The following DOCK3 variants were observed in gnomAD, a reference collection of about 807,000 sequenced individuals.
DOCK3 encodes the protein dedicator of cytokinesis protein 3.
A neutral mutation model predicts 265.6 loss-of-function variants in DOCK3; 60 were observed. The observed-to-expected ratio is 0.23, with a 90% CI of 0.18 to 0.28. DOCK3 has a LOEUF of 0.28. Ranked by LOEUF, DOCK3 falls within the 10% of genes least tolerant of loss-of-function variation. The pLI is 1.00. For synonymous variants in DOCK3, 881 were observed against 938.0 expected, an observed-to-expected ratio of 0.94 and a Z score of 1.11; for missense variants, 1,981 against 2,594.3, an observed-to-expected ratio of 0.76 and a Z score of 5.14.
intron 7 of DOCK3, among the ~76,000 whole-genome samples, chr3:51,087,723 A>G (rs1042204748): frequency 2.6e-5 from 4 of 152,158 alleles, no homozygotes; most frequent in African/African-American, 9.7e-5. Flanking sequence ...AATCTTATAT[A>G]TAGAAAAACC....
intron 5 of DOCK3, among the ~76,000 whole-genome samples, chr3:50,979,377 A>G (rs2077608873): frequency 6.6e-6 from 1 of 152,196 alleles, no homozygotes; most frequent in African/African-American, 2.4e-5. Context: ...TATTGGAGAT[A>G]GGGCTCAGTG....
intron 9 of DOCK3, among the ~76,000 whole-genome samples, chr3:51,100,519 A>C (rs761823822): frequency 4.6e-5 from 7 of 152,230 alleles, no homozygotes; most frequent in Non-Finnish European, 1.0e-4. Context: ...TCACTGGCTC[A>C]CCTCTGAACC....
At chr3:50,730,054 C>G (rs951596420) in intron 1 of DOCK3, among the ~76,000 whole-genome samples, 1 of 151,746 alleles carries the variant, frequency 6.6e-6, no homozygotes, top group Non-Finnish European at 1.5e-5. Context: ...ACCAAAAAAA[C>G]TCAAGTTCCA....
At chr3:51,375,548 A>G (rs1306997397) in intron 50 of DOCK3, among the ~76,000 whole-genome samples, 200 bp from the exon 51 acceptor site, 2 of 152,206 alleles carry the variant, frequency 1.3e-5, no homozygotes, top group Non-Finnish European at 2.9e-5. Context: ...TGTGTATAGA[A>G]GCACTGAGAA....
chr3:50,729,824 A>ATTTTTTT (rs60842906), intron 1 of DOCK3, among the ~76,000 whole-genome samples: 4 of 109,052 alleles, frequency 3.7e-5, no homozygotes, highest in Non-Finnish European at 5.7e-5. Context: ...TCTGAATTTC[A>ATTTTTTT]TTTTTTTTTT....
chr3:50,807,291 T>TGTC (rs2043484681), intron 2 of DOCK3, among the ~76,000 whole-genome samples: 5 of 150,356 alleles, frequency 3.3e-5, no homozygotes, highest in Non-Finnish European at 5.9e-5. Flanking sequence ...GATCTTGTTC[T>TGTC]GTCACCCAGG....
chr3:50,888,206 T>C (rs2048442683), intron 3 of DOCK3, among the ~76,000 whole-genome samples: 1 of 152,104 alleles, frequency 6.6e-6, no homozygotes, highest in Admixed American at 6.6e-5. Context: ...AGCATTCTTA[T>C]ACACCAATAA....
intron 27 of DOCK3, among the ~76,000 whole-genome samples, chr3:51,282,841 G>A (rs1464207758): frequency 6.6e-6 from 1 of 152,098 alleles, no homozygotes; most frequent in East Asian, 1.9e-4. Flanking sequence ...TATGAGGTCA[G>A]TAATAAATAC....
At chr3:50,928,565 G>A (rs1015039342) in intron 4 of DOCK3, among the ~76,000 whole-genome samples, 2 of 152,092 alleles carry the variant, frequency 1.3e-5, no homozygotes, top group African/African-American at 4.8e-5. Context: ...GGACACTTGG[G>A]TGTTAATAGT....
intron 5 of DOCK3, among the ~76,000 whole-genome samples, chr3:51,017,262 A>G (rs1362627164): frequency 1.3e-5 from 2 of 150,124 alleles, no homozygotes; most frequent in Admixed American, 6.6e-5. Context: ...TGAGTCTTCT[A>G]TTTTTATCTT....
At chr3:51,088,585 A>G (rs2082518403) in intron 7 of DOCK3, among the ~76,000 whole-genome samples, 1 of 152,232 alleles carries the variant, frequency 6.6e-6, no homozygotes, top group African/African-American at 2.4e-5. Context: ...TTGAAAACCT[A>G]GGATTCTCAC....
intron 10 of DOCK3, among the ~76,000 whole-genome samples, chr3:51,148,886 A>G (rs1223175208): frequency 6.6e-6 from 1 of 152,174 alleles, no homozygotes; most frequent in Non-Finnish European, 1.5e-5. Context: ...GAAGAAAGTC[A>G]TTGGTAGCTT....
At chr3:51,344,392 G>A (rs540730294) in intron 38 of DOCK3, among the ~76,000 whole-genome samples, 3 of 152,300 alleles carry the variant, frequency 2.0e-5, no homozygotes, top group Non-Finnish European at 2.9e-5. Context: ...AGGCCAAGGT[G>A]GGCGGATCAC....
At chr3:50,760,451 T>G (rs2040454666) in intron 1 of DOCK3, among the ~76,000 whole-genome samples, 1 of 152,198 alleles carries the variant, frequency 6.6e-6, no homozygotes, top group Non-Finnish European at 1.5e-5. Context: ...ACCTTGAGTA[T>G]TAATACTACC....
At chr3:50,810,867 A>G (rs1439487320) in intron 2 of DOCK3, among the ~76,000 whole-genome samples, 1 of 152,188 alleles carries the variant, frequency 6.6e-6, no homozygotes, top group Non-Finnish European at 1.5e-5. Flanking sequence ...AGGGTGATTA[A>G]AAAGTTCTAT....
intron 51 of DOCK3, among the ~76,000 whole-genome samples, chr3:51,377,916 C>A (rs2088269245): frequency 6.6e-6 from 1 of 152,204 alleles, no homozygotes; most frequent in Non-Finnish European, 1.5e-5. Flanking sequence ...AGACCCATTT[C>A]TAAGCTTCCT....
At chr3:51,298,844 G>A (rs1342378131) in intron 27 of DOCK3, among the ~76,000 whole-genome samples, 1 of 152,086 alleles carries the variant, frequency 6.6e-6, no homozygotes, top group African/African-American at 2.4e-5. Context: ...CCATGTCTTT[G>A]CTATTGTGAA....
intron 27 of DOCK3, among the ~76,000 whole-genome samples, chr3:51,286,643 A>G (rs1003266525): frequency 1.3e-5 from 2 of 152,184 alleles, no homozygotes; most frequent in African/African-American, 4.8e-5. Context: ...GGAACAGAAT[A>G]CAGAGCCCAG....
intron 35 of DOCK3, among the ~76,000 whole-genome samples, chr3:51,336,359 G>A (rs1328502934): frequency 6.6e-6 from 1 of 151,372 alleles, no homozygotes; most frequent in Non-Finnish European, 1.5e-5. Context: ...TTTGTGCCTG[G>A]AACAGACAGG....
Sources: gnomAD v4.1 joint callset for allele counts (sites outside exome capture counted in the v4.1 genomes callset) on GRCh38, gnomAD v4.1.1 for gene constraint, MANE v1.5 for transcripts, NCBI Gene and HGNC (gene_info 2026-07-23, HGNC 2026-07-21) for gene names.